Variants in ZYG11B observed in about 807,000 individuals in gnomAD.
ZYG11B encodes the protein protein zyg-11 homolog B.
A neutral mutation model predicts 82.4 loss-of-function variants in ZYG11B; 36 were observed. That is an observed-to-expected ratio of 0.44 (90% CI 0.33 to 0.58). The LOEUF (loss-of-function observed/expected upper bound fraction) is 0.58. Among genes scored for constraint, ZYG11B ranks in the 20% least tolerant of loss-of-function variants. The pLI is 0.02. For missense variants in ZYG11B, 552 were observed against 895.6 expected (o/e 0.62, Z 4.90); for synonymous variants, 303 against 312.8 (o/e 0.97, Z 0.33).
At position 52,803,099 on chromosome 1, in the gene ZYG11B, C is replaced by CACATATATATATAT. The variant is rs1558139992; in HGVS notation, c.1695+961_1695+962insCATATATATATATA. Among the ~76,000 whole-genome samples, 6 of 10,794 alleles carry CACATATATATATAT rather than the reference C, an allele frequency of 5.6e-4. No homozygotes were observed. In the South Asian group the frequency reaches 7.5e-3, roughly 13 times the overall value. The allele number at this position is 10,794 out of a possible 152,430, so 7.1% of individuals were successfully genotyped here. ...ATATATATATACACATATATATATACATATATATATATATATATACACACA... is the reference window on the plus strand; with the variant it reads ...ATATATATATACACATATATATATACACATATATATATATATATATATATATATATATACACACA... On this transcript the variant is annotated intron_variant, in intron 10 of 13. Transcript: ENST00000294353.
intron 8 of ZYG11B, among the ~76,000 whole-genome samples, chr1:52,797,634 G>A (rs1043348525): frequency 5.4e-5 from 8 of 148,312 alleles, no homozygotes; most frequent in Non-Finnish European, 7.4e-5. Flanking sequence ...TCAGCCTCCC[G>A]AGTAGCTGGG....
chr1:52,776,237 T>A (rs1408783893), intron 3 of ZYG11B, among the ~76,000 whole-genome samples: 51 of 46,262 alleles, frequency 1.1e-3, no homozygotes, highest in African/African-American at 3.2e-3. Context: ...AAAATATATA[T>A]ATATATATGC....
chr1:52,755,522 A>T (rs1166503736), intron 1 of ZYG11B, among the ~76,000 whole-genome samples: 1 of 151,954 alleles, frequency 6.6e-6, no homozygotes, highest in Non-Finnish European at 1.5e-5. Context: ...GTTTTATGAG[A>T]CGGAGTTTCG....
chr1:52,805,572 C>G (rs1645135229), intron 10 of ZYG11B: 1 of 447,252 alleles, frequency 2.2e-6, no homozygotes, highest in Non-Finnish European at 4.5e-6. Flanking sequence ...TGGCTCATGC[C>G]TGTAATCCCA....
At position 52,823,692 on chromosome 1, in the gene ZYG11B, T is replaced by C. The variant is rs1308911152; in HGVS notation, c.*2063T>C. On this transcript the variant is annotated 3_prime_UTR_variant, in exon 14 of 14. Coordinates refer to ENST00000294353, the MANE Select transcript of ZYG11B (RefSeq NM_024646.3). ...AGTTTGGCTTCAAGTTTCTGTTTTA[T>C]AAGACAAAAGTGCATATTTCTTTAC... is the stretch of plus-strand genomic sequence containing the variant. 6.6e-6 allele frequency: 1 copy of C among 152,206 alleles called. No individual in the cohort carries two copies. Among genetic ancestry groups the C allele is most frequent in the East Asian group, 1.9e-4 (1 of 5,196 alleles). The allele number at this position is 152,206 out of a possible 1,614,324, so 9.4% of individuals were successfully genotyped here. A position where few individuals can be genotyped will look rare whatever the true frequency, so the allele number is the denominator to read the frequency against.
chr1:52,802,683 CAAAA>C (rs1371419463), intron 10 of ZYG11B, among the ~76,000 whole-genome samples: 1 of 145,686 alleles, frequency 6.9e-6, no homozygotes, highest in South Asian at 2.3e-4. Context: ...GGCGAATGAA[CAAAA>C]AAAGAAAGAG....
chr1:52,731,954 G>A (rs768379560), intron 1 of ZYG11B, among the ~76,000 whole-genome samples: 8 of 152,134 alleles, frequency 5.3e-5, no homozygotes, highest in Non-Finnish European at 7.4e-5. Context: ...CAGGCGTGCA[G>A]TACCACGCCA....
chr1:52,802,391 A>G (rs1396114180), intron 10 of ZYG11B, among the ~76,000 whole-genome samples: 1 of 120,782 alleles, frequency 8.3e-6, no homozygotes, highest in Non-Finnish European at 1.6e-5. Flanking sequence ...TTTGTTGCCC[A>G]GGCTGGAGTG....
intron 6 of ZYG11B, 73 bp from the exon 7 acceptor site, chr1:52,796,219 G>A (rs900228499): frequency 1.7e-6 from 2 of 1,147,106 alleles, no homozygotes; most frequent in Admixed American, 3.5e-5. Flanking sequence ...TGTAGCATCA[G>A]TTCCTAGCTG....
chr1:52,739,112 G>T (rs1216447578), intron 1 of ZYG11B, among the ~76,000 whole-genome samples: 2 of 149,182 alleles, frequency 1.3e-5, no homozygotes, highest in East Asian at 4.1e-4. Flanking sequence ...CTCAGCCCCC[G>T]AGTGGTTGGG....
At chr1:52,736,526 C>T (rs1307411858) in intron 1 of ZYG11B, among the ~76,000 whole-genome samples, 1 of 152,068 alleles carries the variant, frequency 6.6e-6, no homozygotes, top group Non-Finnish European at 1.5e-5. Flanking sequence ...CATCTCGGCT[C>T]ACTGCAACCT....
At chr1:52,746,690 T>TTTTTTTG (rs1644479610) in intron 1 of ZYG11B, among the ~76,000 whole-genome samples, 1 of 107,526 alleles carries the variant, frequency 9.3e-6, no homozygotes, top group Non-Finnish European at 1.9e-5. Flanking sequence ...GGCCACTGTT[T>TTTTTTTG]TTTTTTTTTT....
At chr1:52,749,914 G>T (rs1486204568) in intron 1 of ZYG11B, among the ~76,000 whole-genome samples, 1 of 152,038 alleles carries the variant, frequency 6.6e-6, no homozygotes, top group Non-Finnish European at 1.5e-5. Flanking sequence ...TAACTAGTTG[G>T]TTTTTATTTT....
At chr1:52,743,558 A>G (rs1307566200) in intron 1 of ZYG11B, among the ~76,000 whole-genome samples, 1 of 151,996 alleles carries the variant, frequency 6.6e-6, no homozygotes, top group Non-Finnish European at 1.5e-5. Context: ...CCAAAAATAA[A>G]AAAAAATTAG....
chr1:52,768,105 G>GT (rs893622979), intron 2 of ZYG11B, among the ~76,000 whole-genome samples: 7 of 152,164 alleles, frequency 4.6e-5, no homozygotes, highest in Admixed American at 2.6e-4. Flanking sequence ...TGGAGCTGCA[G>GT]TTTTTTCTGT....
intron 2 of ZYG11B, among the ~76,000 whole-genome samples, chr1:52,768,680 C>T (rs894861094): frequency 4.0e-5 from 6 of 151,468 alleles, no homozygotes; most frequent in East Asian, 1.9e-4. Flanking sequence ...CTGCAGCCTC[C>T]GCCTCCCAAG....
At position 52,743,327 on chromosome 1, in the gene ZYG11B, C is replaced by T. The variant is rs1054292773; in HGVS notation, c.31-13131C>T. Among the ~76,000 whole-genome samples, 3 of 147,498 alleles carry T rather than the reference C, an allele frequency of 2.0e-5. No homozygotes were observed. The Admixed American group carries it at 2.1e-4, about 10-fold the overall frequency. Reference sequence around the variant, plus strand: ...CTTGTTCACTTGTTTATCTGCTGACCTTCCCTCCACTATTGTCCTATGACC... The same window carrying T: ...CTTGTTCACTTGTTTATCTGCTGACTTTCCCTCCACTATTGTCCTATGACC... On this transcript the variant is annotated intron_variant, in intron 1 of 13. Coordinates refer to ENST00000294353, the MANE Select transcript of ZYG11B (RefSeq NM_024646.3).
chr1:52,818,897 A>G (rs1240490011), intron 13 of ZYG11B, among the ~76,000 whole-genome samples: 2 of 150,682 alleles, frequency 1.3e-5, no homozygotes, highest in African/African-American at 4.9e-5. Flanking sequence ...AGATTCAAGC[A>G]TTTCTCCTAC....
chr1:52,783,555 C>T (rs1433118446), intron 4 of ZYG11B, among the ~76,000 whole-genome samples: 1 of 150,142 alleles, frequency 6.7e-6, no homozygotes, highest in Non-Finnish European at 1.5e-5. Context: ...AAGTAGGATA[C>T]ATGTGGTAAT....
Sources: gnomAD v4.1 joint callset for allele counts (sites outside exome capture counted in the v4.1 genomes callset) on GRCh38, gnomAD v4.1.1 for gene constraint, MANE v1.5 for transcripts, NCBI Gene and HGNC (gene_info 2026-07-23, HGNC 2026-07-21) for gene names.